KIF26B: variants seen among roughly 807,000 people sequenced by gnomAD.
The protein encoded by KIF26B is kinesin family member 26B.
In KIF26B, 63 loss-of-function variants were observed where a neutral mutation model predicts 151.2. That is an observed-to-expected ratio of 0.42 (90% confidence interval 0.34 to 0.51). KIF26B has a LOEUF of 0.51. KIF26B is among the 20% of genes least tolerant of loss of function. KIF26B has a pLI of 0.07. For missense variants in KIF26B, 2,813 were observed against 2,913.6 expected, an observed-to-expected ratio of 0.97 and a Z score of 0.79; for synonymous variants, 1,357 against 1,262.1, an observed-to-expected ratio of 1.08 and a Z score of -1.59.
In KIF26B at chr1:245,698,190, G is replaced by T; in HGVS notation, c.5909G>T (p.Arg1970Leu). 1 of 1,614,028 alleles carries T rather than the reference G, an allele frequency of 6.2e-7. No individual in the cohort carries two copies. Among genetic ancestry groups the T allele is most frequent in the South Asian group, 1.1e-5 (1 of 91,076 alleles). ...VRKPPNSTGV[R>L]WVDGPLRSSP... ...AAACCCCCCAACAGCACAGGCGTCC[G>T]CTGGGTGGATGGCCCCTTGCGGAGC... is the stretch of plus-strand genomic sequence containing the variant. The change falls in exon 13 of 15, where the codon CGC becomes CTC. Residue 1970 changes from arginine (R) to leucine (L), a missense_variant. Physicochemically the swap from Arg to Leu is moderately radical, Grantham distance 102. Transcript: ENST00000407071. This position sits in a 1 kb window ranked among gnomAD's most constrained non-coding sequence, Gnocchi z 4.0.
chr1:245,442,381 A>C (rs1659126819), intron 4 of KIF26B, among the ~76,000 whole-genome samples: 1 of 152,142 alleles, frequency 6.6e-6, no homozygotes, highest in Admixed American at 6.5e-5. Flanking sequence ...AAAAACAATG[A>C]TGGGGGTCCT....
intron 2 of KIF26B, among the ~76,000 whole-genome samples, chr1:245,260,246 A>G (rs1255502296): frequency 1.3e-5 from 2 of 152,164 alleles, no homozygotes; most frequent in African/African-American, 4.8e-5. Flanking sequence ...ATCAGGAAAC[A>G]GTGCTGGTTA....
intron 2 of KIF26B, among the ~76,000 whole-genome samples, chr1:245,208,110 T>C (rs6662127): frequency 0.23 from 34,547 of 152,054 alleles, 4,276 homozygotes; most frequent in East Asian, 0.57. Flanking sequence ...AATCTGAGCT[T>C]CCTCTTCTAT....
At chr1:245,425,352 A>G (rs182508520) in intron 4 of KIF26B, among the ~76,000 whole-genome samples, 31 of 152,186 alleles carry the variant, frequency 2.0e-4, no homozygotes, top group Non-Finnish European at 1.5e-5. Context: ...CTTTTGGGTG[A>G]CCTCATATCT....
intron 10 of KIF26B, among the ~76,000 whole-genome samples, chr1:245,679,809 G>C (rs957592568): frequency 3.9e-5 from 6 of 152,034 alleles, no homozygotes; most frequent in Admixed American, 3.9e-4. Flanking sequence ...GTGTAGGCAG[G>C]GAGTGAAACA....
chr1:245,262,537 C>G (rs1670666392), intron 2 of KIF26B, among the ~76,000 whole-genome samples: 1 of 152,000 alleles, frequency 6.6e-6, no homozygotes, highest in South Asian at 2.1e-4. Context: ...CACTGCAACC[C>G]ACACCTTCTG....
At chr1:245,448,874 G>A (rs949830899) in intron 4 of KIF26B, among the ~76,000 whole-genome samples, 3 of 152,200 alleles carry the variant, frequency 2.0e-5, no homozygotes, top group Non-Finnish European at 2.9e-5. Flanking sequence ...CATCTATGGA[G>A]TCCAGATATT....
Position 245,455,298 on chromosome 1 carries a change from G to A in KIF26B, c.1166+35553G>A, listed in dbSNP as rs184949000. On this transcript the variant is annotated intron_variant, in intron 4 of 14. Transcript: ENST00000407071. ...AGGCGGGCAGATCACGAGGTCAAGAGATCGAGACCATCCTGGCCAACATGG... is the reference window on the plus strand; with the variant it reads ...AGGCGGGCAGATCACGAGGTCAAGAAATCGAGACCATCCTGGCCAACATGG... 1.6e-4 allele frequency among the ~76,000 whole-genome samples: 24 copies of A among 152,278 alleles called. No homozygotes were observed. In the East Asian group the frequency reaches 4.6e-3, roughly 29 times the overall value.
chr1:245,255,072 T>G (rs1192150937), intron 2 of KIF26B, among the ~76,000 whole-genome samples: 1 of 152,132 alleles, frequency 6.6e-6, no homozygotes, highest in African/African-American at 2.4e-5. Context: ...GTCATTATCT[T>G]GGGAATTATC....
In KIF26B at chr1:245,609,273, C is replaced by T. The variant is rs2043492272; in HGVS notation, c.1659C>T (p.Ser553=). ...FCFGHAKLGK[S]YTMIGKDDSM... The stretch of plus-strand genomic sequence containing the variant: ...CTTCCCTGGTTCTCCCAGGAAAATC[C>T]TACACCATGATCGGAAAGGATGATT... The change falls in exon 8 of 15, where the codon TCC becomes TCT. Residue 553 remains serine (S), a synonymous_variant. Transcript: ENST00000407071. 6.2e-7 allele frequency: 1 copy of T among 1,602,094 alleles called. No homozygotes were observed. Among genetic ancestry groups the T allele is most frequent in the African/African-American group, 1.3e-5 (1 of 74,716 alleles).
intron 2 of KIF26B, among the ~76,000 whole-genome samples, chr1:245,335,251 C>T (rs1672197696): frequency 6.6e-6 from 1 of 152,182 alleles, no homozygotes; most frequent in Non-Finnish European, 1.5e-5. Context: ...GCTCAGCTGA[C>T]CTCATGGCAC....
In KIF26B at chr1:245,564,306, C is replaced by T. The variant is rs1316418760; in HGVS notation, c.1350+23356C>T. Reference sequence around the variant, plus strand: ...GATTCGACCTGGGCAGAATGCTCTTCAGTTTGTTCCTATCTCTGCCGGGAT... The same window carrying T: ...GATTCGACCTGGGCAGAATGCTCTTTAGTTTGTTCCTATCTCTGCCGGGAT... On this transcript the variant is annotated intron_variant, in intron 5 of 14. Coordinates refer to ENST00000407071, the MANE Select transcript of KIF26B (RefSeq NM_018012.4). The surrounding 1 kb of genome is among the most constrained non-coding windows in gnomAD (Gnocchi z 4.6). Among the ~76,000 whole-genome samples the T allele has an allele frequency of 1.3e-5, 2 of 152,174 alleles. No homozygotes were observed. The highest frequency in any genetic ancestry group is 2.9e-5 in the Non-Finnish European group (2 of 68,046).
At chr1:245,632,784 T>G (rs1335668950) in intron 9 of KIF26B, among the ~76,000 whole-genome samples, 1 of 152,184 alleles carries the variant, frequency 6.6e-6, no homozygotes, top group Non-Finnish European at 1.5e-5. Context: ...GGCATGCACC[T>G]GTAGTGCCAG....
chr1:245,214,106 G>A (rs1669595863), intron 2 of KIF26B: 1 of 152,198 alleles, frequency 6.6e-6, no homozygotes, highest in Non-Finnish European at 1.5e-5. Context: ...ATGTTTCAGT[G>A]GCTGGGAGTC....
chr1:245,436,190 A>G (rs1658926918), intron 4 of KIF26B, among the ~76,000 whole-genome samples: 1 of 151,900 alleles, frequency 6.6e-6, no homozygotes, highest in Admixed American at 6.6e-5. Context: ...AAAAAAAAAA[A>G]AGAGTTTTCT....
chr1:245,400,090 G>T (rs944771733), intron 3 of KIF26B, among the ~76,000 whole-genome samples: 1 of 152,120 alleles, frequency 6.6e-6, no homozygotes, highest in African/African-American at 2.4e-5. Flanking sequence ...ATAGAAATCT[G>T]GTACATGGCT....
intron 2 of KIF26B, among the ~76,000 whole-genome samples, chr1:245,361,907 C>A (rs1168739278): frequency 6.6e-6 from 1 of 151,622 alleles, no homozygotes; most frequent in Non-Finnish European, 1.5e-5. Context: ...GATGATAGAA[C>A]CTTGAGGGTG....
At chr1:245,439,513 ATGTAT>A (rs1243389674) in intron 4 of KIF26B, among the ~76,000 whole-genome samples, 1 of 152,170 alleles carries the variant, frequency 6.6e-6, no homozygotes, top group African/African-American at 2.4e-5. Flanking sequence ...CCCCTATGAA[ATGTAT>A]TGGATTGGCC....
At chr1:245,662,963 GTC>G (rs2044173258) in intron 10 of KIF26B, among the ~76,000 whole-genome samples, 1 of 79,522 alleles carries the variant, frequency 1.3e-5, no homozygotes, top group Non-Finnish European at 2.6e-5. Context: ...GGTCACCTCT[GTC>G]TTTTTTTTTT....
Sources: gnomAD v4.1 joint callset for allele counts (sites outside exome capture counted in the v4.1 genomes callset) on GRCh38, gnomAD v4.1.1 for gene constraint, Gnocchi (gnomAD v3.1) non-coding constraint, MANE v1.5 for transcripts, NCBI Gene and HGNC (gene_info 2026-07-23, HGNC 2026-07-21) for gene names.